Variants in DEFA6 observed in about 807,000 individuals in gnomAD.
The protein encoded by DEFA6 is defensin-6.
In DEFA6, 8 loss-of-function variants were observed where a neutral mutation model predicts 5.1. The ratio of observed to expected loss-of-function variants is 1.57; its 90% CI spans 0.92 to 2.83. The LOEUF (loss-of-function observed/expected upper bound fraction) is 2.83, where lower values mean the gene tolerates loss of function less well. Among genes scored for constraint, DEFA6 ranks in the 30% most tolerant of loss-of-function variants. The pLI is 0.00. For synonymous variants in DEFA6, 74 were observed against 45.3 expected, an observed-to-expected ratio of 1.63 and a Z score of -2.54; for missense variants, 191 against 119.1, an observed-to-expected ratio of 1.60 and a Z score of -2.81.
At chr8:6,925,076 A>G in intron 1 of DEFA6, 149 bp from the exon 2 acceptor site, 2 of 595,776 alleles carry the variant, frequency 3.4e-6, no homozygotes, top group South Asian at 2.0e-5. Flanking sequence ...ATAGGAATAA[A>G]TACGCAGAGC....
Position 6,925,886 on chromosome 8 carries a change from G to A in DEFA6, c.150C>T (p.Ala50=), listed in dbSNP as rs769999691. The change falls in exon 1 of 2, where the codon GCC becomes GCT. Residue 50 remains alanine, a synonymous_variant. Coordinates refer to ENST00000297436, the MANE Select transcript of DEFA6 (RefSeq NM_001926.4). ...EQRGANDQDF[A]VSFAEDASSS... is the part of the protein sequence containing the mutation. Reference sequence around the variant, plus strand: ...AGCTTGCATCCTCTGCAAAGGAGACGGCAAAGTCCTGGTCATTTGCCCCAC... The same window carrying A: ...AGCTTGCATCCTCTGCAAAGGAGACAGCAAAGTCCTGGTCATTTGCCCCAC... 55 of 1,613,896 alleles carry A rather than the reference G, an allele frequency of 3.4e-5. 1 individual carries two copies. The Middle Eastern group carries it at 6.6e-4, about 19-fold the overall frequency.
chr8:6,925,975 G>T lies in DEFA6; in HGVS notation c.61C>A (p.Pro21Thr), dbSNP rs1563433307. Residue 21 changes from proline to threonine, a missense_variant, in exon 1 of 2, where the codon CCA becomes ACA. Transcript: ENST00000297436. ...AGTGGATCATCCTCAGCTTGGAGTGGCTCAGCCTTGGCCTGGAGGGCCACG... is the reference window on the plus strand; with the variant it reads ...AGTGGATCATCCTCAGCTTGGAGTGTCTCAGCCTTGGCCTGGAGGGCCACG... Reference protein sequence around the residue: ...LLVALQAKAEPLQAEDDPLQA... With the variant: ...LLVALQAKAETLQAEDDPLQA... 1 of 1,613,710 alleles carries T rather than the reference G, an allele frequency of 6.2e-7. No homozygotes were observed. The highest frequency in any genetic ancestry group is 2.2e-5 in the East Asian group (1 of 44,886).
chr8:6,925,516 G>C (rs1303369468), intron 1 of DEFA6, among the ~76,000 whole-genome samples: 1 of 152,110 alleles, frequency 6.6e-6, no homozygotes, highest in Non-Finnish European at 1.5e-5. Context: ...GACAGAGCGA[G>C]ACTCCATCAA....
Position 6,925,933 on chromosome 8 carries a change from C to G in DEFA6, c.103G>C (p.Glu35Gln). 1 of 1,614,144 alleles carries G rather than the reference C, an allele frequency of 6.2e-7. No homozygotes were observed. The highest frequency in any genetic ancestry group is 1.7e-5 in the Admixed American group (1 of 60,028). The change falls in exon 1 of 2, where the codon GAG (glutamate) becomes CAG (glutamine). Residue 35 changes from glutamate (E) to glutamine (Q), a missense_variant. Glu to Gln is a conservative substitution (Grantham distance 29, BLOSUM62 2). Transcript: ENST00000297436. ...EDDPLQAKAY[E>Q]ADAQEQRGAN... ...CCACGCTGCTCCTGGGCATCAGCCT[C>G]ATAAGCTTTTGCCTGCAGTGGATCA...
In DEFA6 at chr8:6,925,841, A is replaced by T. The variant is rs775476534; in HGVS notation, c.193+2T>A. The T allele has an allele frequency of 2.5e-6, 4 of 1,609,426 alleles. No homozygotes were observed. Among genetic ancestry groups the T allele is most frequent in the Non-Finnish European group, 3.4e-6 (4 of 1,177,960 alleles). Reference sequence around the variant, plus strand: ...TAGCTCTGCAATGCTGGTGTCTCTTACCCAAAGCTCTAAGACTTGAGCTTG... The same window carrying T: ...TAGCTCTGCAATGCTGGTGTCTCTTTCCCAAAGCTCTAAGACTTGAGCTTG... On this transcript the variant is annotated splice_donor_variant, in intron 1 of 1. Transcript: ENST00000297436. LOFTEE classifies it high-confidence loss of function.
In DEFA6 at chr8:6,925,819, C is replaced by G. The variant is rs777247194; in HGVS notation, c.193+24G>C. On this transcript the variant is annotated intron_variant, in intron 1 of 1. Coordinates refer to ENST00000297436, the MANE Select transcript of DEFA6 (RefSeq NM_001926.4). ...TTGGTTTTCCTCTCTACACTCCTAG[C>G]TCTGCAATGCTGGTGTCTCTTACCC... The G allele has an allele frequency of 9.4e-6, 15 of 1,588,720 alleles. No homozygotes were observed. In the African/African-American group the frequency reaches 1.1e-4, roughly 11 times the overall value.
At chr8:6,925,743 G>A (rs1169894629) in intron 1 of DEFA6, 100 bp downstream of exon 1, 8 of 977,164 alleles carry the variant, frequency 8.2e-6, no homozygotes, top group Non-Finnish European at 1.0e-5. Flanking sequence ...GGCCTGGGGA[G>A]GTGATCACCT....
Position 6,925,866 on chromosome 8 carries a change from G to T in DEFA6, c.170C>A (p.Ala57Glu), listed in dbSNP as rs997518344. Residue 57 changes from alanine to glutamate, a missense_variant, in exon 1 of 2, where the codon GCA becomes GAA. By Grantham distance (107) the Ala-to-Glu change is moderately radical. Coordinates refer to ENST00000297436, the MANE Select transcript of DEFA6 (RefSeq NM_001926.4). The part of the protein sequence containing the change: ...QDFAVSFAED[A>E]SSSLRALGST... Reference sequence around the variant, plus strand: ...ACCCAAAGCTCTAAGACTTGAGCTTGCATCCTCTGCAAAGGAGACGGCAAA... The same window carrying T: ...ACCCAAAGCTCTAAGACTTGAGCTTTCATCCTCTGCAAAGGAGACGGCAAA... 9.3e-6 allele frequency: 15 copies of T among 1,613,546 alleles called. No individual in the cohort carries two copies. The highest frequency in any genetic ancestry group is 1.3e-5 in the Non-Finnish European group (15 of 1,179,798).
Position 6,924,942 on chromosome 8 carries a change from A to G in DEFA6, c.194-15T>C. On this transcript the variant is annotated splice_polypyrimidine_tract_variant and intron_variant, in intron 1 of 1. Coordinates refer to ENST00000297436, the MANE Select transcript of DEFA6 (RefSeq NM_001926.4). Reference sequence around the variant, plus strand: ...CCTTGTTGAGCCTGGGGACAGAGAGAGAGAGCATCAGAAATTGAGCACCAG... The same window carrying G: ...CCTTGTTGAGCCTGGGGACAGAGAGGGAGAGCATCAGAAATTGAGCACCAG... The G allele has an allele frequency of 6.4e-7, 1 of 1,564,522 alleles. No individual in the cohort carries two copies. Among genetic ancestry groups the G allele is most frequent in the Non-Finnish European group, 8.8e-7 (1 of 1,138,300 alleles).
Position 6,926,012 on chromosome 8 carries a change from A to G in DEFA6, c.24T>C (p.Thr8=). The G allele has an allele frequency of 6.2e-7, 1 of 1,612,350 alleles. No homozygotes were observed. Among genetic ancestry groups the G allele is most frequent in the Non-Finnish European group, 8.5e-7 (1 of 1,179,434 alleles). MRTLTIL[T]AVLLVALQAK... ...CCTGGAGGGCCACGAGGAGAACAGC[A>G]GTGAGGATGGTGAGGGTTCTCATGG... The change falls in exon 1 of 2, where the codon ACT becomes ACC. Residue 8 remains threonine, a synonymous_variant. Coordinates refer to ENST00000297436, the MANE Select transcript of DEFA6 (RefSeq NM_001926.4).
Position 6,924,884 on chromosome 8 carries a change from A to G in DEFA6, c.237T>C (p.Tyr79=), listed in dbSNP as rs767987440. The part of the protein sequence containing the change: ...AFTCHCRRSC[Y]STEYSYGTCT... ...AGGTCCCATAGGAATATTCTGTTGA[A>G]TAACAGGACCTTCTGCAATGGCAAG... The change falls in exon 2 of 2, where the codon TAT becomes TAC. Residue 79 remains tyrosine (Y), a synonymous_variant. Coordinates refer to ENST00000297436, the MANE Select transcript of DEFA6 (RefSeq NM_001926.4). 6.2e-7 allele frequency: 1 copy of G among 1,611,758 alleles called. No individual in the cohort carries two copies. Among genetic ancestry groups the G allele is most frequent in the Non-Finnish European group, 8.5e-7 (1 of 1,178,124 alleles).
chr8:6,924,941 G>A lies in DEFA6; in HGVS notation c.194-14C>T, dbSNP rs1323528667. The A allele has an allele frequency of 6.4e-7, 1 of 1,573,000 alleles. No individual in the cohort carries two copies. Among genetic ancestry groups the A allele is most frequent in the Non-Finnish European group, 8.7e-7 (1 of 1,145,672 alleles). On this transcript the variant is annotated splice_polypyrimidine_tract_variant and intron_variant, in intron 1 of 1. Transcript: ENST00000297436. ...CCCTTGTTGAGCCTGGGGACAGAGA[G>A]AGAGAGCATCAGAAATTGAGCACCA...
intron 1 of DEFA6, among the ~76,000 whole-genome samples, chr8:6,925,357 GAA>G (rs33981880): frequency 0.01 from 1,526 of 147,110 alleles, 23 homozygotes; most frequent in South Asian, 0.055. Context: ...CGTCTCTACT[GAA>G]AAAAAAAAAA....
Position 6,924,841 on chromosome 8 carries a change from T to C in DEFA6, c.280A>G (p.Asn94Asp), listed in dbSNP as rs1688864481. The change falls in exon 2 of 2, where the codon AAC becomes GAC. Residue 94 changes from asparagine (N) to aspartate (D), a missense_variant. Physicochemically the swap from Asn to Asp is conservative, Grantham distance 23 (BLOSUM62 1). Transcript: ENST00000297436. ...SYGTCTVMGI[N>D]HRFCCL Reference sequence around the variant, plus strand: ...CCTCAGAGGCAGCAGAATCTGTGGTTAATACCCATGACAGTGCAGGTCCCA... The same window carrying C: ...CCTCAGAGGCAGCAGAATCTGTGGTCAATACCCATGACAGTGCAGGTCCCA... The C allele has an allele frequency of 1.2e-6, 2 of 1,608,300 alleles. No homozygotes were observed. Among genetic ancestry groups the C allele is most frequent in the Non-Finnish European group, 1.7e-6 (2 of 1,175,328 alleles).
intron 1 of DEFA6, 142 bp from the exon 2 acceptor site, chr8:6,925,069 G>A (rs1808382005): frequency 1.7e-6 from 1 of 598,614 alleles, no homozygotes; most frequent in Non-Finnish European, 3.0e-6. Context: ...ACCATCAATA[G>A]GAATAAATAC....
intron 1 of DEFA6, 45 bp from the exon 2 acceptor site, chr8:6,924,972 A>G: frequency 7.7e-7 from 1 of 1,302,564 alleles, no homozygotes; most frequent in Non-Finnish European, 1.1e-6. Flanking sequence ...CACCAGGGTC[A>G]GCAGCGGGCA....
At chr8:6,925,487 A>T (rs911516323) in intron 1 of DEFA6, among the ~76,000 whole-genome samples, 1 of 152,212 alleles carries the variant, frequency 6.6e-6, no homozygotes, top group Admixed American at 6.5e-5. Flanking sequence ...AGATAGTGCC[A>T]CTGCACTCCA....
In DEFA6 at chr8:6,925,931, C is replaced by T. The variant is rs113837602; in HGVS notation, c.105G>A (p.Glu35=). The T allele has an allele frequency of 3.1e-6, 5 of 1,614,096 alleles. No homozygotes were observed. In the South Asian group the frequency reaches 4.4e-5, roughly 14 times the overall value. Residue 35 remains glutamate, a synonymous_variant, in exon 1 of 2, where the codon GAG becomes GAA. Transcript: ENST00000297436. Reference sequence around the variant, plus strand: ...CCCCACGCTGCTCCTGGGCATCAGCCTCATAAGCTTTTGCCTGCAGTGGAT... The same window carrying T: ...CCCCACGCTGCTCCTGGGCATCAGCTTCATAAGCTTTTGCCTGCAGTGGAT... ...EDDPLQAKAY[E]ADAQEQRGAN... is the part of the protein sequence containing the mutation.
At chr8:6,925,805 C>G (rs1016846996) in intron 1 of DEFA6, 38 bp downstream of exon 1, 4 of 1,547,694 alleles carry the variant, frequency 2.6e-6, no homozygotes, top group African/African-American at 1.4e-5. Flanking sequence ...TGGTTTTCCT[C>G]TCTACACTCC....
Sources: gnomAD v4.1 joint callset for allele counts (sites outside exome capture counted in the v4.1 genomes callset) on GRCh38, gnomAD v4.1.1 for gene constraint, MANE v1.5 for transcripts, NCBI Gene and HGNC (gene_info 2026-07-23, HGNC 2026-07-21) for gene names.